Variants in CARMIL1 observed in about 807,000 individuals in gnomAD.
CARMIL1 encodes F-actin-uncapping protein LRRC16A.
Under a neutral mutation model 177.1 loss-of-function variants are expected in CARMIL1, and 90 were observed. The ratio of observed to expected loss-of-function variants is 0.51; its 90% confidence interval spans 0.43 to 0.61. CARMIL1 has a LOEUF of 0.61. Among genes scored for constraint, CARMIL1 ranks in the 20% least tolerant of loss-of-function variants. The pLI is 0.00. For synonymous variants in CARMIL1, 577 were observed against 606.2 expected (o/e 0.95, Z 0.71); for missense variants, 1,380 against 1,667.0 (o/e 0.83, Z 3.00).
intron 2 of CARMIL1, among the ~76,000 whole-genome samples, chr6:25,382,822 C>G (rs1791704854): frequency 6.6e-6 from 1 of 152,184 alleles, no homozygotes; most frequent in African/African-American, 2.4e-5. Flanking sequence ...GAAAAGTTCT[C>G]CAAGTCCCCA....
At chr6:25,439,281 C>G (rs534455826) in intron 5 of CARMIL1, among the ~76,000 whole-genome samples, 44 of 152,284 alleles carry the variant, frequency 2.9e-4, no homozygotes, top group African/African-American at 1.0e-3. Context: ...CTCCTCCAAG[C>G]TCCACTAGGT....
chr6:25,327,529 A>G (rs9366618), intron 2 of CARMIL1, among the ~76,000 whole-genome samples: 40,496 of 151,934 alleles, frequency 0.27, 5,746 homozygotes, highest in African/African-American at 0.38. Context: ...TCCAAACAGT[A>G]AGTTTTCATT....
intron 32 of CARMIL1, among the ~76,000 whole-genome samples, chr6:25,596,833 C>G (rs2151297686): frequency 7.2e-6 from 1 of 138,770 alleles, no homozygotes; most frequent in African/African-American, 2.8e-5. Context: ...CCTGTATACT[C>G]TGTCACCAAA....
chr6:25,536,050 T>C (rs1388018263), intron 24 of CARMIL1, among the ~76,000 whole-genome samples: 4 of 152,172 alleles, frequency 2.6e-5, no homozygotes, highest in African/African-American at 7.2e-5. Context: ...AAGTGTCTCT[T>C]TGTTCTCTCG....
chr6:25,335,668 A>G (rs759216743), intron 2 of CARMIL1, among the ~76,000 whole-genome samples: 2 of 152,236 alleles, frequency 1.3e-5, no homozygotes, highest in Non-Finnish European at 2.9e-5. Flanking sequence ...AAGGGTTCTT[A>G]CAGTCCATTT....
intron 2 of CARMIL1, among the ~76,000 whole-genome samples, chr6:25,398,735 A>T (rs899191204): frequency 1.4e-4 from 21 of 152,192 alleles, no homozygotes; most frequent in African/African-American, 4.6e-4. Flanking sequence ...CCCCATGCGA[A>T]GACTTTTATG....
intron 2 of CARMIL1, among the ~76,000 whole-genome samples, chr6:25,302,808 A>T (rs1252182007): frequency 6.6e-6 from 1 of 152,248 alleles, no homozygotes; most frequent in African/African-American, 2.4e-5. Context: ...TGATTAGTGC[A>T]GTCTGGAGAG....
intron 1 of CARMIL1, among the ~76,000 whole-genome samples, chr6:25,283,355 C>T (rs1359499626): frequency 6.6e-6 from 1 of 152,088 alleles, no homozygotes; most frequent in Non-Finnish European, 1.5e-5. Flanking sequence ...TGGACTTAGT[C>T]TTGGTGAGAG....
intron 29 of CARMIL1, among the ~76,000 whole-genome samples, chr6:25,562,428 T>C (rs939942853): frequency 6.6e-6 from 1 of 151,930 alleles, no homozygotes; most frequent in African/African-American, 2.4e-5. Flanking sequence ...TTGTATTTTT[T>C]AGTAGAGATG....
At chr6:25,476,982 G>T (rs1031087326) in intron 11 of CARMIL1, among the ~76,000 whole-genome samples, 1 of 151,480 alleles carries the variant, frequency 6.6e-6, no homozygotes, top group Non-Finnish European at 1.5e-5. Context: ...CCAGCTACTC[G>T]AGAGGCTGAG....
chr6:25,383,387 C>A (rs767185255), intron 2 of CARMIL1, among the ~76,000 whole-genome samples: 1 of 152,102 alleles, frequency 6.6e-6, no homozygotes, highest in Non-Finnish European at 1.5e-5. Flanking sequence ...AAATAATTTC[C>A]ATAAACATAT....
chr6:25,607,351 A>T (rs561684782), intron 35 of CARMIL1, among the ~76,000 whole-genome samples: 1 of 152,316 alleles, frequency 6.6e-6, no homozygotes, highest in East Asian at 1.9e-4. Context: ...AAACAGGGAT[A>T]AAAATAGATA....
chr6:25,586,722 G>C (rs1813751363), intron 31 of CARMIL1, among the ~76,000 whole-genome samples: 1 of 152,224 alleles, frequency 6.6e-6, no homozygotes, highest in South Asian at 2.1e-4. Flanking sequence ...GGAGGCCGAG[G>C]CGGGCAGATC....
chr6:25,559,762 C>T (rs904477979), intron 29 of CARMIL1, among the ~76,000 whole-genome samples: 1 of 152,162 alleles, frequency 6.6e-6, no homozygotes, highest in Non-Finnish European at 1.5e-5. Flanking sequence ...GCAGGATGTT[C>T]ATAGCTACTA....
intron 29 of CARMIL1, among the ~76,000 whole-genome samples, chr6:25,559,577 G>C (rs986132929): frequency 6.0e-4 from 92 of 152,098 alleles, no homozygotes; most frequent in African/African-American, 2.1e-3. Context: ...GGAGCTTACA[G>C]CACTGTTGAA....
intron 12 of CARMIL1, among the ~76,000 whole-genome samples, chr6:25,485,018 G>A (rs1028354038): frequency 4.6e-5 from 7 of 152,156 alleles, no homozygotes; most frequent in African/African-American, 1.7e-4. Context: ...CTGGGTGACA[G>A]AGTGAGAACC....
At chr6:25,541,315 A>G (rs996432213) in intron 26 of CARMIL1, among the ~76,000 whole-genome samples, 5 of 152,228 alleles carry the variant, frequency 3.3e-5, no homozygotes, top group African/African-American at 1.2e-4. Context: ...AAGTGATAAT[A>G]CTATACATAC....
chr6:25,442,466 GTA>G (rs1268004079), intron 5 of CARMIL1, among the ~76,000 whole-genome samples: 1 of 131,388 alleles, frequency 7.6e-6, no homozygotes, highest in Admixed American at 7.6e-5. Flanking sequence ...GTGTGTGTGT[GTA>G]TGTGTGTGTG....
At chr6:25,392,581 C>T (rs1421952959) in intron 2 of CARMIL1, among the ~76,000 whole-genome samples, 1 of 152,158 alleles carries the variant, frequency 6.6e-6, no homozygotes, top group Non-Finnish European at 1.5e-5. Flanking sequence ...TTGCTTCTTC[C>T]TGGACTGACT....
Sources: allele counts gnomAD v4.1 joint callset (sites outside exome capture counted in the v4.1 genomes callset), GRCh38; gene constraint gnomAD v4.1.1; transcripts MANE v1.5; gene names NCBI Gene and HGNC (gene_info 2026-07-23, HGNC 2026-07-21).